The following P2RX2 variants were observed in gnomAD, a reference collection of about 807,000 sequenced individuals.
The protein encoded by P2RX2 is purinergic receptor P2X 2.
In P2RX2, 50 loss-of-function variants were observed where a neutral mutation model predicts 54.8. The ratio of observed to expected loss-of-function variants is 0.91; its 90% CI spans 0.73 to 1.15. The LOEUF (loss-of-function observed/expected upper bound fraction) is 1.15. P2RX2 is among the 50% of genes most tolerant of loss of function. P2RX2 has a pLI of 0.00. For missense variants in P2RX2, 658 were observed against 633.2 expected (o/e 1.04, Z -0.42); for synonymous variants, 289 against 259.4 (o/e 1.11, Z -1.09).
Position 132,620,340 on chromosome 12 carries a change from T to G in P2RX2, c.628T>G (p.Phe210Val). Reference protein sequence around the residue: ...KNSIHYPKFHFSKGNIADRTD... With the variant: ...KNSIHYPKFHVSKGNIADRTD... ...CAGCATCCACTACCCCAAATTCCAC[T>G]TCTCCAAGTAAGAGCCGCGGGGTGT... is the stretch of plus-strand genomic sequence containing the variant. The change falls in exon 6 of 11, where the codon TTC (phenylalanine) becomes GTC (valine). Residue 210 changes from phenylalanine to valine, a missense_variant. Phe to Val is a conservative substitution (Grantham distance 50). Transcript: ENST00000643471. 1 of 1,614,024 alleles carries G rather than the reference T, an allele frequency of 6.2e-7. No homozygotes were observed. The highest frequency in any genetic ancestry group is 1.1e-5 in the South Asian group (1 of 91,078).
At chr12:132,620,858 C>T (rs2138380562) in intron 7 of P2RX2, 143 bp from the exon 8 acceptor site, 1 of 1,435,760 alleles carries the variant, frequency 7.0e-7, no homozygotes, top group Non-Finnish European at 9.6e-7. Flanking sequence ...GCACACCTCA[C>T]ATGCAGCCTG....
chr12:132,622,291 C>A lies in P2RX2; in HGVS notation c.*319C>A. The A allele has an allele frequency of 8.4e-6, 9 of 1,075,740 alleles. No homozygotes were observed. The highest frequency in any genetic ancestry group is 1.6e-5 in the African/African-American group (1 of 61,152). The allele number at this position is 1,075,740 out of a possible 1,614,324, so 66.6% of individuals were successfully genotyped here. ...TCCCGGTCTTGGGCCCTGGGAACCC[C>A]ACCCCACCCCACCCCACAGGCGTTG... On this transcript the variant is annotated 3_prime_UTR_variant, in exon 11 of 11. Transcript: ENST00000643471.
chr12:132,621,966 A>G lies in P2RX2; in HGVS notation c.1410A>G (p.Gln470=). Residue 470 remains glutamine (Q), a synonymous_variant, in exon 11 of 11, where the codon CAA becomes CAG. Transcript: ENST00000643471. ...STPTDPKGLA[Q]L is the part of the protein sequence containing the mutation. ...CCACAGACCCCAAAGGTTTGGCTCA[A>G]CTCTGAGCTCCTTTCCATCTCACTG... 6.2e-7 allele frequency: 1 copy of G among 1,613,586 alleles called. No individual in the cohort carries two copies. Among genetic ancestry groups the G allele is most frequent in the Non-Finnish European group, 8.5e-7 (1 of 1,179,986 alleles).
intron 8 of P2RX2, 50 bp from the exon 9 acceptor site, chr12:132,621,205 G>A: frequency 1.2e-6 from 2 of 1,613,910 alleles, no homozygotes; most frequent in East Asian, 2.2e-5. Context: ...ATGCCTGTGG[G>A]GCAGCCCTGG....
chr12:132,619,783 C>T (rs1450873271), intron 3 of P2RX2, 33 bp downstream of exon 3: 7 of 1,610,204 alleles, frequency 4.3e-6, no homozygotes, highest in Non-Finnish European at 5.9e-6. Context: ...GGGGACCCCG[C>T]CTCAGCTAGG....
In P2RX2 at chr12:132,622,125, C is replaced by A. The variant is rs115653654; in HGVS notation, c.*153C>A. Reference sequence around the variant, plus strand: ...TCCCTGTGCAAGGGCTGGGGGCACGCTCTGGCCCCAGGCTTGTGCCCCACC... The same window carrying A: ...TCCCTGTGCAAGGGCTGGGGGCACGATCTGGCCCCAGGCTTGTGCCCCACC... On this transcript the variant is annotated 3_prime_UTR_variant, in exon 11 of 11. Coordinates refer to ENST00000643471, the MANE Select transcript of P2RX2 (RefSeq NM_170682.4). 3,201 of 1,475,946 alleles carry A rather than the reference C, an allele frequency of 2.2e-3. 53 individuals carry two copies. In the African/African-American group the frequency reaches 0.041, roughly 19 times the overall value. The allele number at this position is 1,475,946 out of a possible 1,614,324, so 91.4% of individuals were successfully genotyped here.
Position 132,619,881 on chromosome 12 carries a change from C to T in P2RX2, c.419C>T (p.Ala140Val). The change falls in exon 4 of 11, where the codon GCC becomes GTC. Residue 140 changes from alanine (A) to valine (V), a missense_variant. Transcript: ENST00000643471. ...CACAACGCCACCTGCCTCTCCGACG[C>T]CGACTGCGTGGCTGGGGAGCTGGAC... The part of the protein sequence containing the change: ...RVHNATCLSD[A>V]DCVAGELDML... The T allele has an allele frequency of 6.2e-7, 1 of 1,612,028 alleles. No homozygotes were observed. The highest frequency in any genetic ancestry group is 8.5e-7 in the Non-Finnish European group (1 of 1,179,790).
Position 132,620,460 on chromosome 12 carries a change from C to G in P2RX2, c.651C>G (p.Asp217Glu). Residue 217 changes from aspartate (D) to glutamate (E), a missense_variant, in exon 7 of 11, where the codon GAC becomes GAG. By Grantham distance (45) the Asp-to-Glu change is conservative. Transcript: ENST00000643471. ...KFHFSKGNIA[D>E]RTDGYLKRCT... ...GCCTCCTCAGGGGCAACATCGCCGA[C>G]CGCACAGACGGGTACCTGAAGCGCT... 6.2e-7 allele frequency: 1 copy of G among 1,614,114 alleles called. No individual in the cohort carries two copies. The highest frequency in any genetic ancestry group is 8.5e-7 in the Non-Finnish European group (1 of 1,180,014).
chr12:132,620,885 TC>T (rs2138381483), intron 7 of P2RX2, 115 bp from the exon 8 acceptor site: 3 of 615,224 alleles, frequency 4.9e-6, no homozygotes, highest in Non-Finnish European at 6.2e-6. Context: ...ACCCGGGCTC[TC>T]GAGGGGCCTC....
rs1311038973 is a variant in P2RX2 at position 132,622,083 on chromosome 12, A to G, written c.*111A>G. The stretch of plus-strand genomic sequence containing the variant: ...CCTCAGTAGCGGAGCATCTCCACGA[A>G]ACGGGGCACCACAGGATCCCTGTGC... On this transcript the variant is annotated 3_prime_UTR_variant, in exon 11 of 11. Transcript: ENST00000643471. 1.3e-6 allele frequency: 2 copies of G among 1,550,946 alleles called. No homozygotes were observed. The highest frequency in any genetic ancestry group is 4.5e-5 in the East Asian group (2 of 44,454).
In P2RX2 at chr12:132,621,145, G is replaced by T; in HGVS notation, c.905+14G>T. On this transcript the variant is annotated intron_variant, in intron 8 of 10. Coordinates refer to ENST00000643471, the MANE Select transcript of P2RX2 (RefSeq NM_170682.4). ...CTACAACTTCAGGTGCTGTACTTGG[G>T]ACACCGCTGTCCACACTGGCATAGC... 2 of 1,614,068 alleles carry T rather than the reference G, an allele frequency of 1.2e-6. No homozygotes were observed. The highest frequency in any genetic ancestry group is 1.7e-6 in the Non-Finnish European group (2 of 1,180,012).
chr12:132,620,166 G>C, intron 5 of P2RX2, 70 bp downstream of exon 5: 1 of 1,508,166 alleles, frequency 6.6e-7, no homozygotes, highest in Admixed American at 1.9e-5. Context: ...AGGCCAAACG[G>C]GCGGGGCAGG....
intron 1 of P2RX2, 126 bp from the exon 2 acceptor site, chr12:132,619,313 G>T (rs1212733600): frequency 9.9e-7 from 1 of 1,009,240 alleles, no homozygotes. Flanking sequence ...GGGACCGAGG[G>T]CGCGGGGCAG....
intron 7 of P2RX2, among the ~76,000 whole-genome samples, 195 bp downstream of exon 7, chr12:132,620,778 C>A (rs955952768): frequency 2.0e-5 from 3 of 152,226 alleles, no homozygotes; most frequent in African/African-American, 7.2e-5. Flanking sequence ...GGGCTGGCTG[C>A]TGGCACCCCT....
In P2RX2 at chr12:132,621,314, G is replaced by A; in HGVS notation, c.965G>A (p.Gly322Glu). 6.2e-7 allele frequency: 1 copy of A among 1,614,054 alleles called. No homozygotes were observed. The highest frequency in any genetic ancestry group is 2.2e-5 in the East Asian group (1 of 44,880). ...ACCCGCACGCTCATCAAGGCCTACGGGATCCGCATTGACGTCATTGTGCAT... is the reference window on the plus strand; with the variant it reads ...ACCCGCACGCTCATCAAGGCCTACGAGATCCGCATTGACGTCATTGTGCAT... ...TTTRTLIKAYGIRIDVIVHGQ... is the reference protein window; with the variant it reads ...TTTRTLIKAYEIRIDVIVHGQ... The change falls in exon 9 of 11, where the codon GGG becomes GAG. Residue 322 changes from glycine (G) to glutamate (E), a missense_variant. By Grantham distance (98) the Gly-to-Glu change is moderately conservative (BLOSUM62 -2). Transcript: ENST00000643471.
rs781020588 is a variant in P2RX2, at chr12:132,619,007, TGCGGGGCGCGGGG to T, written c.173+19_173+31del. 3 of 138,466 alleles carry T rather than the reference TGCGGGGCGCGGGG, an allele frequency of 2.2e-5. No individual in the cohort carries two copies. Among genetic ancestry groups the T allele is most frequent in the Admixed American group, 8.4e-4 (1 of 1,194 alleles). The allele number at this position is 138,466 out of a possible 1,614,324, so 8.6% of individuals were successfully genotyped here. A position where few individuals can be genotyped will look rare whatever the true frequency, so the allele number is the denominator to read the frequency against. On this transcript the variant is annotated intron_variant, in intron 1 of 10. Coordinates refer to ENST00000643471, the MANE Select transcript of P2RX2 (RefSeq NM_170682.4). ...TTCGTGTGGTGCGCGGGGCGCGGGG[TGCGGGGCGCGGGG>T]TGCGGGGCGCAGGGGAGGGGCTGGG... is the stretch of plus-strand genomic sequence containing the variant.
In P2RX2 at chr12:132,622,124, G is replaced by A. The variant is rs886911513; in HGVS notation, c.*152G>A. The A allele has an allele frequency of 1.1e-4, 158 of 1,476,110 alleles. No homozygotes were observed. The highest frequency in any genetic ancestry group is 9.9e-4 in the East Asian group (41 of 41,602). The allele number at this position is 1,476,110 out of a possible 1,614,324, so 91.4% of individuals were successfully genotyped here. A position where few individuals can be genotyped will look rare whatever the true frequency, so the allele number is the denominator to read the frequency against. ...ATCCCTGTGCAAGGGCTGGGGGCAC[G>A]CTCTGGCCCCAGGCTTGTGCCCCAC... is the stretch of plus-strand genomic sequence containing the variant. On this transcript the variant is annotated 3_prime_UTR_variant, in exon 11 of 11. Coordinates refer to ENST00000643471, the MANE Select transcript of P2RX2 (RefSeq NM_170682.4).
intron 8 of P2RX2, 33 bp downstream of exon 8, chr12:132,621,164 G>C: frequency 6.2e-7 from 1 of 1,613,996 alleles, no homozygotes; most frequent in South Asian, 1.1e-5. Flanking sequence ...GTCCACACTG[G>C]CATAGCTGTG....
In P2RX2 at chr12:132,619,480, C is replaced by T. The variant is rs763428922; in HGVS notation, c.215C>T (p.Thr72Met). The T allele has an allele frequency of 1.2e-6, 2 of 1,612,618 alleles. No homozygotes were observed. Among genetic ancestry groups the T allele is most frequent in the Non-Finnish European group, 1.7e-6 (2 of 1,179,404 alleles). ...CAGAAAAGCTACCAGGAGAGCGAGA[C>T]GGGCCCCGAGAGCTCCATCATCACC... ...IVQKSYQESE[T>M]GPESSIITKV... The change falls in exon 2 of 11, where the codon ACG (threonine) becomes ATG (methionine). Residue 72 changes from threonine (T) to methionine (M), a missense_variant. By Grantham distance (81) the Thr-to-Met change is moderately conservative (BLOSUM62 -1). Transcript: ENST00000643471.
Sources: gnomAD v4.1 joint callset for allele counts (sites outside exome capture counted in the v4.1 genomes callset) on GRCh38, gnomAD v4.1.1 for gene constraint, MANE v1.5 for transcripts, NCBI Gene and HGNC (gene_info 2026-07-23, HGNC 2026-07-21) for gene names.